CEP112: variants seen among roughly 807,000 people sequenced by gnomAD.
CEP112 encodes the protein centrosomal protein of 112 kDa.
Under a neutral mutation model 153.0 loss-of-function variants are expected in CEP112, and 127 were observed. The ratio of observed to expected loss-of-function variants is 0.83; its 90% CI spans 0.72 to 0.96. CEP112 has a LOEUF of 0.96. Among genes scored for constraint, CEP112 ranks in the 40% least tolerant of loss-of-function variants. The pLI is 0.00. For synonymous variants in CEP112, 358 were observed against 374.4 expected (o/e 0.96, Z 0.51); for missense variants, 1,089 against 1,101.2 (o/e 0.99, Z 0.16).
intron 23 of CEP112, among the ~76,000 whole-genome samples, chr17:65,705,414 C>T (rs530452242): frequency 3.9e-5 from 6 of 152,110 alleles, no homozygotes; most frequent in Non-Finnish European, 7.3e-5. Flanking sequence ...ATAATTCAAG[C>T]GAATACTATT....
chr17:66,091,892 T>C (rs183552459), intron 8 of CEP112, among the ~76,000 whole-genome samples: 2 of 152,184 alleles, frequency 1.3e-5, no homozygotes, highest in Admixed American at 1.3e-4. Flanking sequence ...AAGACTACTA[T>C]GAGTAATTAT....
chr17:66,085,452 C>T (rs893828155), intron 8 of CEP112, among the ~76,000 whole-genome samples: 1 of 152,122 alleles, frequency 6.6e-6, no homozygotes, highest in African/African-American at 2.4e-5. Context: ...CATTCCATTT[C>T]ACATCATTTA....
At chr17:66,076,834 G>C (rs1046406648) in intron 8 of CEP112, among the ~76,000 whole-genome samples, 1 of 152,144 alleles carries the variant, frequency 6.6e-6, no homozygotes, top group South Asian at 2.1e-4. Context: ...ACCAGAACAG[G>C]TGCTGGTATC....
At chr17:66,087,544 T>C (rs2146218861) in intron 8 of CEP112, among the ~76,000 whole-genome samples, 1 of 152,246 alleles carries the variant, frequency 6.6e-6, no homozygotes, top group East Asian at 1.9e-4. Context: ...ACCAGGATTA[T>C]ACAAGAAAGA....
chr17:65,722,408 C>G (rs1216357058), intron 23 of CEP112, among the ~76,000 whole-genome samples: 2 of 152,130 alleles, frequency 1.3e-5, no homozygotes, highest in African/African-American at 4.8e-5. Flanking sequence ...ACCACCACAC[C>G]CAGCTAATTT....
intron 23 of CEP112, among the ~76,000 whole-genome samples, chr17:65,694,110 C>A (rs2048249378): frequency 6.6e-6 from 1 of 152,152 alleles, no homozygotes; most frequent in African/African-American, 2.4e-5. Flanking sequence ...CTCAGTGGGT[C>A]TGAACAGTGG....
chr17:66,147,123 T>C (rs1185232968), intron 4 of CEP112, among the ~76,000 whole-genome samples: 1 of 152,058 alleles, frequency 6.6e-6, no homozygotes, highest in Non-Finnish European at 1.5e-5. Context: ...TTTTACATTC[T>C]TACCAACAGT....
intron 16 of CEP112, among the ~76,000 whole-genome samples, chr17:66,019,320 AACAAC>A (rs373879895): frequency 0.4 from 60,688 of 151,920 alleles, 13,552 homozygotes; most frequent in East Asian, 0.86. Flanking sequence ...CAACAACAAC[AACAAC>A]AAAAAAGCCC....
chr17:65,837,184 C>T (rs945240870), intron 21 of CEP112, among the ~76,000 whole-genome samples: 3 of 152,212 alleles, frequency 2.0e-5, no homozygotes, highest in Admixed American at 6.5e-5. Flanking sequence ...CTGCCTTGGC[C>T]TCCCAAAGTG....
chr17:65,799,307 C>T (rs552252938), intron 21 of CEP112, among the ~76,000 whole-genome samples: 4 of 152,260 alleles, frequency 2.6e-5, no homozygotes, highest in Admixed American at 2.0e-4. Flanking sequence ...TGCTGGGATA[C>T]GGAGCTGGGA....
intron 6 of CEP112, among the ~76,000 whole-genome samples, chr17:66,115,972 C>T (rs1299504510): frequency 6.6e-6 from 1 of 152,146 alleles, no homozygotes; most frequent in Non-Finnish European, 1.5e-5. Flanking sequence ...AAGGTTAAAG[C>T]AGGTCTCAAT....
At chr17:65,871,148 T>C (rs2058658875) in intron 20 of CEP112, among the ~76,000 whole-genome samples, 1 of 152,184 alleles carries the variant, frequency 6.6e-6, no homozygotes. Context: ...TCTACAACAC[T>C]GGGACACAAA....
Position 65,860,026 on chromosome 17 carries a change from A to C in CEP112, c.2164-7992T>G, listed in dbSNP as rs994393586. Among the ~76,000 whole-genome samples the C allele has an allele frequency of 3.3e-5, 5 of 151,182 alleles. No homozygotes were observed. The East Asian group carries it at 5.8e-4, about 18-fold the overall frequency. On this transcript the variant is annotated intron_variant, in intron 20 of 26. Transcript: ENST00000535342. ...TGAGACTCCATCTCAAAAAAAAAAA[A>C]AAAACAAAAACCTATCTTTAATCAT...
At chr17:65,784,574 G>A (rs907665655) in intron 21 of CEP112, among the ~76,000 whole-genome samples, 10 of 152,036 alleles carry the variant, frequency 6.6e-5, no homozygotes, top group Non-Finnish European at 1.0e-4. Context: ...TCTGCCTCCC[G>A]GGTTCACGCC....
chr17:65,680,043 C>A (rs1049346875), intron 24 of CEP112, among the ~76,000 whole-genome samples: 14 of 152,288 alleles, frequency 9.2e-5, no homozygotes, highest in African/African-American at 3.4e-4. Context: ...TTTTTGGTGT[C>A]TTTTCTGCTT....
At chr17:66,149,378 A>G (rs1413727720) in intron 4 of CEP112, among the ~76,000 whole-genome samples, 1 of 152,198 alleles carries the variant, frequency 6.6e-6, no homozygotes, top group African/African-American at 2.4e-5. Flanking sequence ...TTCCTCTTCA[A>G]TGTTTTTGAA....
intron 6 of CEP112, among the ~76,000 whole-genome samples, chr17:66,126,038 A>G (rs1043121711): frequency 1.3e-5 from 2 of 152,188 alleles, no homozygotes; most frequent in Non-Finnish European, 2.9e-5. Flanking sequence ...CCATTTCTAT[A>G]CCTATAAGGT....
chr17:65,870,079 A>AAGAAAG (rs1555689603), intron 20 of CEP112, among the ~76,000 whole-genome samples: 3 of 151,622 alleles, frequency 2.0e-5, no homozygotes, highest in African/African-American at 7.3e-5. Context: ...GAAAGAAAGA[A>AAGAAAG]AGAAAAGAAA....
At chr17:65,840,991 G>T (rs2057495571) in intron 21 of CEP112, among the ~76,000 whole-genome samples, 1 of 151,798 alleles carries the variant, frequency 6.6e-6, no homozygotes, top group Non-Finnish European at 1.5e-5. Flanking sequence ...TTATCAAAAA[G>T]ACAAAAAACA....
Sources: gnomAD v4.1 joint callset for allele counts (sites outside exome capture counted in the v4.1 genomes callset) on GRCh38, gnomAD v4.1.1 for gene constraint, MANE v1.5 for transcripts, NCBI Gene and HGNC (gene_info 2026-07-23, HGNC 2026-07-21) for gene names.